CHL1: variants seen among roughly 807,000 people sequenced by gnomAD.
The protein encoded by CHL1 is neural cell adhesion molecule L1-like protein.
In CHL1, 96 loss-of-function variants were observed where a neutral mutation model predicts 141.9. The observed-to-expected ratio is 0.68, with a 90% CI of 0.57 to 0.80. The LOEUF (loss-of-function observed/expected upper bound fraction) is 0.80, where lower values mean the gene tolerates loss of function less well. Among genes scored for constraint, CHL1 ranks in the 30% least tolerant of loss-of-function variants. The pLI, the probability that CHL1 is intolerant of heterozygous loss-of-function variation, is 0.00. For synonymous variants in CHL1, 613 were observed against 502.2 expected (o/e 1.22, Z -2.95); for missense variants, 1,820 against 1,457.2 (o/e 1.25, Z -4.05).
chr3:317,960 C>G (rs1367118407), intron 2 of CHL1, among the ~76,000 whole-genome samples: 1 of 151,840 alleles, frequency 6.6e-6, no homozygotes, highest in Admixed American at 6.6e-5. Context: ...AGTTATTTGT[C>G]ATTAGAAAAT....
At chr3:364,918 T>C (rs1704678851) in intron 14 of CHL1, among the ~76,000 whole-genome samples, 1 of 152,224 alleles carries the variant, frequency 6.6e-6, no homozygotes, top group South Asian at 2.1e-4. Context: ...TAGAGAAGTG[T>C]TTATTAAATT....
At chr3:321,057 C>T (rs1294495045) in intron 3 of CHL1, among the ~76,000 whole-genome samples, 1 of 152,010 alleles carries the variant, frequency 6.6e-6, no homozygotes, top group Non-Finnish European at 1.5e-5. Context: ...TTGAAGTGCT[C>T]AGACAGACTG....
At chr3:360,096 T>C (rs1352451920) in intron 11 of CHL1, among the ~76,000 whole-genome samples, 188 bp from the exon 12 acceptor site, 1 of 152,118 alleles carries the variant, frequency 6.6e-6, no homozygotes, top group Non-Finnish European at 1.5e-5. Flanking sequence ...TAATTGAAAA[T>C]TCACATGGAT....
In CHL1 at chr3:299,134, G is replaced by A. The variant is rs78585180; in HGVS notation, c.-94-20549G>A. On this transcript the variant is annotated intron_variant, in intron 2 of 27. Coordinates refer to ENST00000256509, the MANE Select transcript of CHL1 (RefSeq NM_006614.4). ...AAATGAAAGAGAATTCCTGGTTTCC[G>A]TGAGTTTTTAGTCTTAGAGAAGACA... Among the ~76,000 whole-genome samples the A allele has an allele frequency of 4.8e-3, 732 of 152,212 alleles. 5 individuals are homozygous for A. The highest frequency in any genetic ancestry group is 0.013 in the African/African-American group (558 of 41,520).
chr3:358,773 G>T (rs1476066528), intron 11 of CHL1, among the ~76,000 whole-genome samples: 1 of 151,638 alleles, frequency 6.6e-6, no homozygotes, highest in African/African-American at 2.4e-5. Flanking sequence ...TCAATATGTA[G>T]TATTCATGTT....
chr3:241,163 TG>T (rs758216116), intron 1 of CHL1, among the ~76,000 whole-genome samples: 11 of 152,140 alleles, frequency 7.2e-5, no homozygotes, highest in Non-Finnish European at 1.6e-4. Flanking sequence ...TTTGTCTAGA[TG>T]GAGTTTCAAA....
intron 2 of CHL1, among the ~76,000 whole-genome samples, chr3:259,895 C>G (rs1265088333): frequency 6.6e-6 from 1 of 152,094 alleles, no homozygotes; most frequent in Non-Finnish European, 1.5e-5. Flanking sequence ...CATCTGTGTT[C>G]TAAAATTTTA....
rs572895103 is a variant in CHL1, at chr3:382,112, G to C, written c.1877-67G>C. On this transcript the variant is annotated intron_variant, in intron 16 of 27. Coordinates refer to ENST00000256509, the MANE Select transcript of CHL1 (RefSeq NM_006614.4). ...CCTCTGTCTCCGGGTAGCTGGCAAT[G>C]TGTCTGAGGAAGGGAATCAGGTAAA... 4.3e-5 allele frequency: 59 copies of C among 1,386,636 alleles called. No individual in the cohort carries two copies. The African/African-American group carries it at 7.0e-4, about 16-fold the overall frequency. 85.9% of individuals were successfully genotyped at this position (1,386,636 alleles called of 1,614,324 possible).
intron 2 of CHL1, among the ~76,000 whole-genome samples, chr3:259,602 T>C (rs1028402680): frequency 6.6e-6 from 1 of 152,178 alleles, no homozygotes; most frequent in Non-Finnish European, 1.5e-5. Flanking sequence ...CACCATTCCT[T>C]GCTATCTGCT....
At chr3:391,899 G>A in intron 23 of CHL1, 102 bp downstream of exon 23, 2 of 928,146 alleles carry the variant, frequency 2.2e-6, no homozygotes, top group Non-Finnish European at 3.1e-6. Flanking sequence ...TAAGGCCATG[G>A]TTTGTAAGCT....
At chr3:328,052 A>G (rs568864306) in intron 4 of CHL1, 115 bp from the exon 5 acceptor site, 4 of 701,564 alleles carry the variant, frequency 5.7e-6, no homozygotes, top group East Asian at 2.8e-5. Flanking sequence ...TCCATTAAGT[A>G]TATACTTTTT....
rs200088618 is a variant in CHL1 at position 226,734 on chromosome 3, A to C, written c.-174-17879A>C. Among the ~76,000 whole-genome samples, 58 of 152,282 alleles carry C rather than the reference A, an allele frequency of 3.8e-4. No homozygotes were observed. In the East Asian group the frequency reaches 0.01, roughly 27 times the overall value. On this transcript the variant is annotated intron_variant, in intron 1 of 27. Transcript: ENST00000256509. ...AGTGCTGAGATTACAGGCGTAAGCCACCGCGCCCGACCTGTAGTACCTATA... is the reference window on the plus strand; with the variant it reads ...AGTGCTGAGATTACAGGCGTAAGCCCCCGCGCCCGACCTGTAGTACCTATA...
intron 2 of CHL1, among the ~76,000 whole-genome samples, chr3:286,463 T>G (rs1049849366): frequency 6.6e-6 from 1 of 151,638 alleles, no homozygotes; most frequent in Admixed American, 6.6e-5. Context: ...ATACAAAAAT[T>G]AGCCAGGCAT....
At chr3:344,375 C>T (rs959626585) in intron 8 of CHL1, among the ~76,000 whole-genome samples, 11 of 151,708 alleles carry the variant, frequency 7.3e-5, no homozygotes, top group Non-Finnish European at 1.3e-4. Flanking sequence ...TGCAGTGCTA[C>T]GCTCAGTAAA....
chr3:408,985 G>C lies in CHL1; in HGVS notation c.*3274G>C, dbSNP rs1251661246. On this transcript the variant is annotated 3_prime_UTR_variant, in exon 28 of 28. Coordinates refer to ENST00000256509, the MANE Select transcript of CHL1 (RefSeq NM_006614.4). ...TAAAGAGGGGACAATAATGAGAAAT[G>C]TTGGTGTGCTTTTCTAAGCATTTAA... The C allele has an allele frequency of 6.6e-6, 1 of 152,014 alleles. No individual in the cohort carries two copies. The highest frequency in any genetic ancestry group is 2.4e-5 in the African/African-American group (1 of 41,406). The allele number at this position is 152,014 out of a possible 1,614,324, so 9.4% of individuals were successfully genotyped here. A position where few individuals can be genotyped will look rare whatever the true frequency, so the allele number is the denominator to read the frequency against.
chr3:362,573 T>C (rs574194995), intron 13 of CHL1, among the ~76,000 whole-genome samples: 2 of 152,156 alleles, frequency 1.3e-5, no homozygotes, highest in East Asian at 3.9e-4. Flanking sequence ...TGCCTCAGCC[T>C]AGTCCCTGTC....
At chr3:238,758 C>T (rs1417395244) in intron 1 of CHL1, among the ~76,000 whole-genome samples, 7 of 110,430 alleles carry the variant, frequency 6.3e-5, no homozygotes, top group Non-Finnish European at 1.2e-4. Flanking sequence ...AACCCCGTCT[C>T]TACTAAAAAT....
In CHL1 at chr3:328,249, A is replaced by G. The variant is rs201818851; in HGVS notation, c.280A>G (p.Ile94Val). Residue 94 changes from isoleucine (I) to valine (V), a missense_variant, in exon 5 of 28, where the codon ATC becomes GTC. Transcript: ENST00000256509. ...ATCGAACAATTCAGGAACATTCAGG[A>G]TCCCAAACGAGGGGCACATATCTCA... The part of the protein sequence containing the change: ...IPSNNSGTFR[I>V]PNEGHISHFQ... 4.3e-6 allele frequency: 7 copies of G among 1,613,096 alleles called. No individual in the cohort carries two copies. Among genetic ancestry groups the G allele is most frequent in the Admixed American group, 1.7e-5 (1 of 59,896 alleles).
At chr3:256,150 T>A (rs946236700) in intron 2 of CHL1, among the ~76,000 whole-genome samples, 1 of 115,744 alleles carries the variant, frequency 8.6e-6, no homozygotes. Context: ...CTTCTGTGTA[T>A]GCATAAGTGT....
Sources: gnomAD v4.1 joint callset for allele counts (sites outside exome capture counted in the v4.1 genomes callset) on GRCh38, gnomAD v4.1.1 for gene constraint, MANE v1.5 for transcripts, NCBI Gene and HGNC (gene_info 2026-07-23, HGNC 2026-07-21) for gene names.